Variants in SVEP1 observed in about 807,000 individuals in gnomAD.
The protein encoded by SVEP1 is sushi, von Willebrand factor type A, EGF and pentraxin domain-containing protein 1.
In SVEP1, 164 loss-of-function variants were observed where a neutral mutation model predicts 367.3. That is an observed-to-expected ratio of 0.45 (90% CI 0.39 to 0.51). The LOEUF is 0.51. Among genes scored for constraint, SVEP1 ranks in the 20% least tolerant of loss-of-function variants. The pLI is 0.00. For synonymous variants in SVEP1, 1,666 were observed against 1,611.6 expected, an observed-to-expected ratio of 1.03 and a Z score of -0.81; for missense variants, 4,117 against 4,425.3, an observed-to-expected ratio of 0.93 and a Z score of 1.98.
At chr9:110,505,370 C>A (rs1413057882) in intron 5 of SVEP1, among the ~76,000 whole-genome samples, 1 of 152,198 alleles carries the variant, frequency 6.6e-6, no homozygotes, top group African/African-American at 2.4e-5. Flanking sequence ...AGTTATCCCT[C>A]ATCCACCAGG....
intron 40 of SVEP1, among the ~76,000 whole-genome samples, chr9:110,390,174 T>TATATACAA (rs1491451711): frequency 2.7e-5 from 2 of 73,020 alleles, no homozygotes; most frequent in African/African-American, 5.1e-5. Flanking sequence ...TATATAAGTA[T>TATATACAA]GTATGTATAT....
At chr9:110,393,152 G>T (rs911792515) in intron 40 of SVEP1, among the ~76,000 whole-genome samples, 2 of 151,992 alleles carry the variant, frequency 1.3e-5, no homozygotes, top group Non-Finnish European at 2.9e-5. Context: ...CTCTACATTT[G>T]TTCATAATTT....
intron 1 of SVEP1, among the ~76,000 whole-genome samples, chr9:110,570,144 G>A (rs1336472055): frequency 1.3e-5 from 2 of 152,098 alleles, no homozygotes; most frequent in Non-Finnish European, 2.9e-5. Flanking sequence ...ACTCTATGCC[G>A]GCAATCCAGT....
rs545145768 is a variant in SVEP1, at chr9:110,433,207, C to T, written c.5060-572G>A. Among the ~76,000 whole-genome samples, 13 of 152,242 alleles carry T rather than the reference C, an allele frequency of 8.5e-5. No homozygotes were observed. In the South Asian group the frequency reaches 2.3e-3, roughly 27 times the overall value. ...GCAGAACTGTGAGCCAATTAAATCT[C>T]CTTTCTTTATACATTACCTAGTCTC... On this transcript the variant is annotated intron_variant, in intron 30 of 47. Coordinates refer to ENST00000374469, the MANE Select transcript of SVEP1 (RefSeq NM_153366.4).
Position 110,446,919 on chromosome 9 carries a change from T to C in SVEP1, c.4242A>G (p.Ser1414=), listed in dbSNP as rs1474885448. 1.3e-6 allele frequency: 2 copies of C among 1,537,362 alleles called. No individual in the cohort carries two copies. The highest frequency in any genetic ancestry group is 8.8e-7 in the Non-Finnish European group (1 of 1,141,612). The change falls in exon 25 of 48, where the codon TCA becomes TCG. Residue 1414 remains serine (S), a synonymous_variant. Transcript: ENST00000374469. ...SYSCKCQPGF[S]GKRCETEQST... is the part of the protein sequence containing the mutation. ...ACATACCTGTTTCACACCTTTTGCC[T>C]GAAAATCCTGGCTGACATTTACAAC...
chr9:110,453,055 T>A (rs1044125337), intron 22 of SVEP1, among the ~76,000 whole-genome samples: 5 of 152,204 alleles, frequency 3.3e-5, no homozygotes, highest in African/African-American at 9.7e-5. Flanking sequence ...ATGTTAAACA[T>A]TTTTATGTCT....
chr9:110,522,999 T>C (rs1169976311), intron 3 of SVEP1, among the ~76,000 whole-genome samples: 2 of 152,172 alleles, frequency 1.3e-5, no homozygotes, highest in Admixed American at 6.6e-5. Context: ...TAAATTCCTA[T>C]TGTTATACTG....
intron 4 of SVEP1, 63 bp downstream of exon 4, chr9:110,513,885 G>A (rs1829759642): frequency 2.6e-6 from 4 of 1,511,812 alleles, no homozygotes; most frequent in Non-Finnish European, 2.7e-6. Context: ...GCAAACACAA[G>A]CACTATTTCT....
chr9:110,428,429 C>CACACACA (rs60798857), intron 35 of SVEP1, among the ~76,000 whole-genome samples: 4 of 151,104 alleles, frequency 2.6e-5, no homozygotes, highest in African/African-American at 9.7e-5. Context: ...CACACACACA[C>CACACACA]CATTAATCTC....
At chr9:110,508,365 T>A (rs2118766066) in intron 5 of SVEP1, among the ~76,000 whole-genome samples, 1 of 152,284 alleles carries the variant, frequency 6.6e-6, no homozygotes, top group Middle Eastern at 3.4e-3. Flanking sequence ...ATAAAATAAA[T>A]CTGATGTTAA....
rs1453212707 is a variant in SVEP1, at chr9:110,365,583, A to G, written c.*956T>C. 3.3e-5 allele frequency: 5 copies of G among 152,290 alleles called. No individual in the cohort carries two copies. In the South Asian group the frequency reaches 6.2e-4, roughly 19 times the overall value. 9.4% of individuals were successfully genotyped at this position (152,290 alleles called of 1,614,324 possible). ...GCTTCATCTTGGTACAATTGTTGTGATAGAGGTAGGTGACAGTGAGGACTG... is the reference window on the plus strand; with the variant it reads ...GCTTCATCTTGGTACAATTGTTGTGGTAGAGGTAGGTGACAGTGAGGACTG... On this transcript the variant is annotated 3_prime_UTR_variant, in exon 48 of 48. Transcript: ENST00000374469.
intron 40 of SVEP1, among the ~76,000 whole-genome samples, chr9:110,390,257 AAGTATG>A (rs1266182459): frequency 0.029 from 3,453 of 119,280 alleles, 321 homozygotes; most frequent in Non-Finnish European, 0.042. Flanking sequence ...ATACTTATAT[AAGTATG>A]TATATATATA....
intron 1 of SVEP1, among the ~76,000 whole-genome samples, chr9:110,560,505 AT>A (rs1830413873): frequency 1.3e-5 from 2 of 152,122 alleles, no homozygotes; most frequent in East Asian, 1.9e-4. Context: ...GGGCAGTATC[AT>A]GTGAACTCAG....
chr9:110,480,024 T>C (rs976174141), intron 12 of SVEP1, among the ~76,000 whole-genome samples: 14 of 152,286 alleles, frequency 9.2e-5, no homozygotes, highest in South Asian at 4.1e-4. Context: ...AAAGTGAGTA[T>C]TTAAGGGAAG....
rs766108559 is a variant in SVEP1 at position 110,411,143 on chromosome 9, C to G, written c.6568G>C (p.Gly2190Arg). 1 of 1,613,912 alleles carries G rather than the reference C, an allele frequency of 6.2e-7. No homozygotes were observed. Among genetic ancestry groups the G allele is most frequent in the Non-Finnish European group, 8.5e-7 (1 of 1,179,866 alleles). ...GTCGGTATAGGACTACTCCACTGCCCTGTGGCTTCGCAGGTGCTCTTCTTT... is the reference window on the plus strand; with the variant it reads ...GTCGGTATAGGACTACTCCACTGCCGTGTGGCTTCGCAGGTGCTCTTCTTT... Reference protein sequence around the residue: ...GEKKSTCEATGQWSSPIPTCH... With the variant: ...GEKKSTCEATRQWSSPIPTCH... Residue 2190 changes from glycine (G) to arginine (R), a missense_variant, in exon 37 of 48, where the codon GGG (glycine) becomes CGG (arginine). Gly to Arg is a moderately radical substitution (Grantham distance 125). This residue lies in a region of SVEP1 where 1,765 missense variants were observed against 1,781.1 expected (regional missense o/e 0.99). Coordinates refer to ENST00000374469, the MANE Select transcript of SVEP1 (RefSeq NM_153366.4).
intron 6 of SVEP1, 81 bp downstream of exon 6, chr9:110,502,956 GT>G: frequency 6.9e-7 from 1 of 1,455,396 alleles, no homozygotes; most frequent in Non-Finnish European, 9.3e-7. Flanking sequence ...CTAGTGTTTA[GT>G]TTTAGGTCTT....
At chr9:110,567,452 T>C (rs1249355063) in intron 1 of SVEP1, among the ~76,000 whole-genome samples, 8 of 152,044 alleles carry the variant, frequency 5.3e-5, no homozygotes, top group Non-Finnish European at 1.2e-4. Flanking sequence ...TCTCATTCCA[T>C]GAAAGAATAG....
intron 5 of SVEP1, among the ~76,000 whole-genome samples, chr9:110,510,383 C>A (rs1829689697): frequency 6.6e-6 from 1 of 152,188 alleles, no homozygotes; most frequent in Non-Finnish European, 1.5e-5. Context: ...CATCCCATAA[C>A]ATGCATGGTG....
At position 110,579,544 on chromosome 9, in the gene SVEP1, C is replaced by CGCGCTGGAGACAGAGCGGCT; in HGVS notation, c.-21_-2dup. ...AACAAAAGGCCAGGCGAGGCCACATCGCGCTGGAGACAGAGCGGCTGCCCC... is the reference window on the plus strand; with the variant it reads ...AACAAAAGGCCAGGCGAGGCCACATCGCGCTGGAGACAGAGCGGCTGCGCTGGAGACAGAGCGGCTGCCCC... On this transcript the variant is annotated 5_prime_UTR_variant, in exon 1 of 48. Transcript: ENST00000374469. The surrounding 1 kb of genome is among the most constrained non-coding windows in gnomAD (Gnocchi z 5.3). The CGCGCTGGAGACAGAGCGGCT allele has an allele frequency of 1.3e-6, 2 of 1,592,466 alleles. No individual in the cohort carries two copies. The highest frequency in any genetic ancestry group is 1.7e-6 in the Non-Finnish European group (2 of 1,171,638).
Sources: allele counts gnomAD v4.1 joint callset (sites outside exome capture counted in the v4.1 genomes callset), GRCh38; gene constraint gnomAD v4.1.1; regional missense constraint gnomAD v4.1.1; non-coding constraint Gnocchi (gnomAD v3.1); transcripts MANE v1.5; gene names NCBI Gene and HGNC (gene_info 2026-07-23, HGNC 2026-07-21).